Variants in HEATR4 observed in about 807,000 individuals in gnomAD.
HEATR4 encodes HEAT repeat-containing protein 4.
Under a neutral mutation model 108.8 loss-of-function variants are expected in HEATR4, and 95 were observed. The ratio of observed to expected loss-of-function variants is 0.87; its 90% CI spans 0.74 to 1.04. The LOEUF is 1.04. Ranked by LOEUF, HEATR4 falls within the 50% of genes least tolerant of loss-of-function variation. The pLI is 0.00. For missense variants in HEATR4, 1,152 were observed against 1,253.8 expected, an observed-to-expected ratio of 0.92 and a Z score of 1.23; for synonymous variants, 443 against 459.4, an observed-to-expected ratio of 0.96 and a Z score of 0.46.
At chr14:73,613,059 T>A in the HEATR4 span, 1 of 634,502 alleles carries the variant, frequency 1.6e-6, no homozygotes, top group East Asian at 3.4e-5. Context: ...TTGGTCGAGC[T>A]CTGCGACCCC....
chr14:73,565,321 T>C, the HEATR4 span, among the ~76,000 whole-genome samples: 3 of 152,048 alleles, frequency 2.0e-5, no homozygotes, highest in Non-Finnish European at 1.5e-5. Flanking sequence ...AGTTAAAGCA[T>C]AGTTGTTCAG....
the HEATR4 span, among the ~76,000 whole-genome samples, chr14:73,590,714 G>A: frequency 6.6e-6 from 1 of 151,798 alleles, no homozygotes; most frequent in East Asian, 1.9e-4. Context: ...CTTGCGGGCC[G>A]GCCGGCCGCT....
the HEATR4 span, among the ~76,000 whole-genome samples, chr14:73,627,084 G>C: frequency 6.6e-6 from 1 of 151,560 alleles, no homozygotes; most frequent in Non-Finnish European, 1.5e-5. Flanking sequence ...GAGCCACCAT[G>C]CCCAGCCAAA....
rs57525368 is a variant in HEATR4, at chr14:73,487,434, G to A, written c.2844+5632C>T. On this transcript the variant is annotated intron_variant, in intron 17 of 17. Transcript: ENST00000553558. Reference sequence around the variant, plus strand: ...TACAAAAATTAGTTGGGCATGGTAGGGGGTGCCTGTAATCCCAGCTACTCG... The same window carrying A: ...TACAAAAATTAGTTGGGCATGGTAGAGGGTGCCTGTAATCCCAGCTACTCG... Among the ~76,000 whole-genome samples, 21 of 151,958 alleles carry A rather than the reference G, an allele frequency of 1.4e-4. No individual in the cohort carries two copies. In the East Asian group the frequency reaches 3.7e-3, roughly 27 times the overall value.
chr14:73,575,510 G>A, the HEATR4 span: 3 of 1,508,886 alleles, frequency 2.0e-6, no homozygotes, highest in Non-Finnish European at 2.7e-6. Flanking sequence ...CATCAAAAGT[G>A]TAAATTTTAT....
chr14:73,590,867 C>T, the HEATR4 span, among the ~76,000 whole-genome samples: 1 of 152,306 alleles, frequency 6.6e-6, no homozygotes, highest in South Asian at 2.1e-4. Flanking sequence ...TTGGCCAGCC[C>T]AGAAAGGGGC....
chr14:73,595,401 T>C, the HEATR4 span: 1 of 1,614,192 alleles, frequency 6.2e-7, no homozygotes, highest in Non-Finnish European at 8.5e-7. Flanking sequence ...GCCCAAACAG[T>C]CTCTGAACGG....
At chr14:73,514,430 A>G (rs1288226286) in intron 5 of HEATR4, among the ~76,000 whole-genome samples, 196 bp from the exon 6 acceptor site, 1 of 152,194 alleles carries the variant, frequency 6.6e-6, no homozygotes, top group Non-Finnish European at 1.5e-5. Flanking sequence ...CTGACTAGAC[A>G]TGGTAAGCCA....
rs186929344 is a variant in HEATR4 at position 73,506,324 on chromosome 14, T to C, written c.1986+143A>G. On this transcript the variant is annotated intron_variant, in intron 10 of 17. Coordinates refer to ENST00000553558, the MANE Select transcript of HEATR4 (RefSeq NM_001220484.1). Reference sequence around the variant, plus strand: ...ACATATTAGCATTTGAAGATAATTCTGGGCTAGAAGTAAGAAGTAGTGATG... The same window carrying C: ...ACATATTAGCATTTGAAGATAATTCCGGGCTAGAAGTAAGAAGTAGTGATG... The C allele has an allele frequency of 9.2e-5, 57 of 620,594 alleles. No individual in the cohort carries two copies. The African/African-American group carries it at 9.9e-4, about 11-fold the overall frequency. The allele number at this position is 620,594 out of a possible 1,614,324, so 38.4% of individuals were successfully genotyped here.
the HEATR4 span, among the ~76,000 whole-genome samples, chr14:73,565,843 CA>C: frequency 6.6e-6 from 1 of 151,984 alleles, no homozygotes. Context: ...AACGAAAGAA[CA>C]AAGTTTCCAC....
chr14:73,618,378 G>A, the HEATR4 span, among the ~76,000 whole-genome samples: 2 of 146,330 alleles, frequency 1.4e-5, no homozygotes, highest in South Asian at 2.1e-4. Context: ...CCTCTTTTCT[G>A]GGTTCGTCGG....
rs759179364 is a variant in HEATR4 at position 73,511,992 on chromosome 14, G to C, written c.1558+14C>G. ...GTTGCTTATGTTCTCAAGCAGTTCA[G>C]CTTTGGCTCTCACCTGAGTCTCTCT... On this transcript the variant is annotated intron_variant, in intron 7 of 17. Transcript: ENST00000553558. 9.3e-6 allele frequency: 15 copies of C among 1,613,666 alleles called. No individual in the cohort carries two copies. The highest frequency in any genetic ancestry group is 1.3e-5 in the Non-Finnish European group (15 of 1,179,872).
chr14:73,523,325 G>C (rs1364064410), intron 2 of HEATR4, 101 bp from the exon 3 acceptor site: 1 of 611,026 alleles, frequency 1.6e-6, no homozygotes, highest in Admixed American at 3.1e-5. Flanking sequence ...CAGATGGAAA[G>C]GGGGTGGGGA....
At chr14:73,618,917 G>A in the HEATR4 span, among the ~76,000 whole-genome samples, 1 of 152,146 alleles carries the variant, frequency 6.6e-6, no homozygotes, top group Non-Finnish European at 1.5e-5. Context: ...GATCACTTGA[G>A]GTCAGAAGTT....
chr14:73,539,220 G>C (rs1450072411), intron 1 of HEATR4: 1 of 114,610 alleles, frequency 8.7e-6, no homozygotes, highest in African/African-American at 2.8e-5. Flanking sequence ...GGGCCTGTTC[G>C]TTCCTGCTGC....
At chr14:73,517,664 T>C (rs1453263540) in intron 5 of HEATR4, among the ~76,000 whole-genome samples, 1 of 52,898 alleles carries the variant, frequency 1.9e-5, no homozygotes, top group African/African-American at 8.9e-5. Flanking sequence ...TGAGACCCTG[T>C]CAAAAAAAAA....
chr14:73,562,964 T>G (rs1457643512), upstream of HEATR4, among the ~76,000 whole-genome samples: 1 of 152,098 alleles, frequency 6.6e-6, no homozygotes, highest in Non-Finnish European at 1.5e-5. Flanking sequence ...CTTTGTCCTA[T>G]TCCCTCAGAA....
chr14:73,520,771 C>G, intron 4 of HEATR4, 81 bp downstream of exon 4: 1 of 1,334,574 alleles, frequency 7.5e-7, no homozygotes, highest in Non-Finnish European at 1.0e-6. Flanking sequence ...ATACCCACAA[C>G]TGTTTCCAGC....
In HEATR4 at chr14:73,506,804, G is replaced by GTTTTTTTTTTTTTTTTTTTTTTTT. The variant is rs34660727; in HGVS notation, c.1882-234_1882-233insAAAAAAAAAAAAAAAAAAAAAAAA. Among the ~76,000 whole-genome samples, 96 of 80,490 alleles carry GTTTTTTTTTTTTTTTTTTTTTTTT rather than the reference G, an allele frequency of 1.2e-3. 12 individuals carry two copies. Among genetic ancestry groups the GTTTTTTTTTTTTTTTTTTTTTTTT allele is most frequent in the East Asian group, 3.5e-3 (6 of 1,738 alleles). The allele number at this position is 80,490 out of a possible 152,430, so 52.8% of individuals were successfully genotyped here. A position where few individuals can be genotyped will look rare whatever the true frequency, so the allele number is the denominator to read the frequency against. On this transcript the variant is annotated intron_variant, in intron 9 of 17. Coordinates refer to ENST00000553558, the MANE Select transcript of HEATR4 (RefSeq NM_001220484.1). ...GGACCTTCCTTTCCTGACTTTAACT[G>GTTTTTTTTTTTTTTTTTTTTTTTT]TTTTTTTTTTTTTTTTTTTTTCTGA...
Sources: allele counts gnomAD v4.1 joint callset (sites outside exome capture counted in the v4.1 genomes callset), GRCh38; gene constraint gnomAD v4.1.1; transcripts MANE v1.5; gene names NCBI Gene and HGNC (gene_info 2026-07-23, HGNC 2026-07-21).